The following CEP120 variants were observed in gnomAD, a reference collection of about 807,000 sequenced individuals.
The protein encoded by CEP120 is centrosomal protein 120, also known as centrosomal protein of 120 kDa.
In CEP120, 113 loss-of-function variants were observed where a neutral mutation model predicts 126.5. The observed-to-expected ratio is 0.89, with a 90% confidence interval of 0.77 to 1.04. The LOEUF (loss-of-function observed/expected upper bound fraction) is 1.04. CEP120 is among the 50% of genes least tolerant of loss of function. CEP120 has a pLI of 0.00. For synonymous variants in CEP120, 400 were observed against 394.3 expected (o/e 1.01, Z -0.17); for missense variants, 1,230 against 1,155.7 (o/e 1.06, Z -0.93).
At chr5:123,411,244 G>A (rs1292219736) in intron 4 of CEP120, among the ~76,000 whole-genome samples, 1 of 152,154 alleles carries the variant, frequency 6.6e-6, no homozygotes, top group Non-Finnish European at 1.5e-5. Context: ...ATGCCAAATA[G>A]CACGGCCACT....
At position 123,391,168 on chromosome 5, in the gene CEP120, T is replaced by G. The variant is rs1304562610; in HGVS notation, c.980A>C (p.Glu327Ala). 5 of 1,614,042 alleles carry G rather than the reference T, an allele frequency of 3.1e-6. No homozygotes were observed. The East Asian group carries it at 1.1e-4, about 36-fold the overall frequency. ...AGACACTCCCACAGTTGGGGCTAGC[T>G]CCACAGGAATAGGTGCAAGCTTCTG... Reference protein sequence around the residue: ...AKQKLAPIPVELAPTVGVSVA... With the variant: ...AKQKLAPIPVALAPTVGVSVA... Residue 327 changes from glutamate (E) to alanine (A), a missense_variant, in exon 7 of 20, where the codon GAG becomes GCG. Coordinates refer to ENST00000306467, the MANE Select transcript of CEP120 (RefSeq NM_001375405.1).
Position 123,386,693 on chromosome 5 carries a change from A to AAAAGCC in CEP120, c.1431-27_1431-26insGGCTTT. 21 of 1,419,914 alleles carry AAAAGCC rather than the reference A, an allele frequency of 1.5e-5. No homozygotes were observed. In the South Asian group the frequency reaches 3.3e-4, roughly 22 times the overall value. The allele number at this position is 1,419,914 out of a possible 1,614,324, so 88.0% of individuals were successfully genotyped here. ...CTAGAATTTAAAAAAAAAAAAAAAA[A>AAAAGCC]AAAAAGCCTTAATGATATGGTTTAC... On this transcript the variant is annotated intron_variant, in intron 9 of 19. Transcript: ENST00000306467.
At chr5:123,379,485 A>G (rs1257139747) in intron 14 of CEP120, among the ~76,000 whole-genome samples, 1 of 152,116 alleles carries the variant, frequency 6.6e-6, no homozygotes, top group Non-Finnish European at 1.5e-5. Flanking sequence ...CATCTGAACC[A>G]CAAAACACAG....
intron 18 of CEP120, among the ~76,000 whole-genome samples, chr5:123,356,093 T>A (rs1025729359): frequency 2.0e-5 from 3 of 152,160 alleles, no homozygotes; most frequent in Non-Finnish European, 2.9e-5. Flanking sequence ...GTTGTAGATA[T>A]GCGGCATTAT....
At position 123,347,640 on chromosome 5, in the gene CEP120, A is replaced by C. The variant is rs1272070682; in HGVS notation, c.2727-887T>G. 5.9e-5 allele frequency among the ~76,000 whole-genome samples: 9 copies of C among 152,060 alleles called. No individual in the cohort carries two copies. The East Asian group carries it at 1.5e-3, about 26-fold the overall frequency. ...TCTTGAAACTGGAGCAGTAATAATA[A>C]TACTTAGTATATTTTGTTTGTTTGA... is the stretch of plus-strand genomic sequence containing the variant. On this transcript the variant is annotated intron_variant, in intron 19 of 19. Transcript: ENST00000306467.
At chr5:123,422,141 A>C (rs1774755470) in intron 1 of CEP120, among the ~76,000 whole-genome samples, 1 of 152,218 alleles carries the variant, frequency 6.6e-6, no homozygotes, top group Non-Finnish European at 1.5e-5. Context: ...TAAGCAAGGC[A>C]AAACGTGTCT....
chr5:123,390,882 T>C lies in CEP120; in HGVS notation c.1038+228A>G, dbSNP rs569414845. ...GGGGAGACCATAAGTGGGTTTCCAC[T>C]ACACAAAAAGACTGTCTCAAAGGCT... On this transcript the variant is annotated intron_variant, in intron 7 of 19. Transcript: ENST00000306467. The C allele has an allele frequency of 3.8e-4, 156 of 409,902 alleles. 1 individual carries two copies. Among genetic ancestry groups the C allele is most frequent in the African/African-American group, 2.7e-3 (133 of 49,764 alleles). The allele number at this position is 409,902 out of a possible 1,614,324, so 25.4% of individuals were successfully genotyped here.
intron 5 of CEP120, 21 bp downstream of exon 5, chr5:123,399,115 C>A: frequency 6.5e-7 from 1 of 1,541,024 alleles, no homozygotes; most frequent in Non-Finnish European, 8.8e-7. Context: ...CGTAAGTCAC[C>A]AATCTCATGA....
chr5:123,368,079 T>C lies in CEP120; in HGVS notation c.2482-3485A>G, dbSNP rs368960294. On this transcript the variant is annotated intron_variant, in intron 17 of 19. Coordinates refer to ENST00000306467, the MANE Select transcript of CEP120 (RefSeq NM_001375405.1). ...GGCAATTAAATTATGTACTTTTCTC[T>C]CTCAAGGCAAACTCACAGTACTGCT... Among the ~76,000 whole-genome samples, 136 of 152,086 alleles carry C rather than the reference T, an allele frequency of 8.9e-4. No individual in the cohort carries two copies. In the Middle Eastern group the frequency reaches 0.01, roughly 11 times the overall value.
chr5:123,349,572 G>C (rs1452174292), intron 19 of CEP120, among the ~76,000 whole-genome samples: 2 of 152,124 alleles, frequency 1.3e-5, no homozygotes, highest in Non-Finnish European at 2.9e-5. Context: ...CACAAGAGCT[G>C]AATGGACTTG....
chr5:123,382,590 T>C, intron 13 of CEP120, 147 bp downstream of exon 13: 1 of 705,230 alleles, frequency 1.4e-6, no homozygotes. Flanking sequence ...TTTTTGATTC[T>C]CAAATTTTTT....
intron 10 of CEP120, among the ~76,000 whole-genome samples, chr5:123,385,617 C>T (rs993330261): frequency 1.1e-4 from 14 of 130,718 alleles, no homozygotes; most frequent in African/African-American, 4.0e-4. Flanking sequence ...ACGACTATAC[C>T]TGTTTTTTTT....
intron 4 of CEP120, chr5:123,403,599 G>T (rs577067466): frequency 3.1e-6 from 1 of 325,500 alleles, no homozygotes; most frequent in East Asian, 9.4e-5. Context: ...AAGGAAAAAA[G>T]AGCAAGTTTA....
chr5:123,388,193 A>AT, intron 9 of CEP120: 1 of 261,558 alleles, frequency 3.8e-6, no homozygotes, highest in East Asian at 6.5e-5. Flanking sequence ...ATTACTTAGA[A>AT]TAAGTTATTA....
intron 17 of CEP120, among the ~76,000 whole-genome samples, chr5:123,368,598 C>A (rs1381062444): frequency 6.6e-6 from 1 of 151,934 alleles, no homozygotes; most frequent in African/African-American, 2.4e-5. Context: ...GCTACAGAAA[C>A]ATTTACTGAG....
intron 4 of CEP120, among the ~76,000 whole-genome samples, chr5:123,405,362 G>C (rs1773572827): frequency 6.6e-6 from 1 of 152,206 alleles, no homozygotes; most frequent in African/African-American, 2.4e-5. Flanking sequence ...GAATATCAGA[G>C]AAAAGTTCCC....
chr5:123,419,556 A>AC (rs1554106708), intron 1 of CEP120, among the ~76,000 whole-genome samples: 1,744 of 133,838 alleles, frequency 0.013, 13 homozygotes, highest in African/African-American at 0.027. Context: ...ACAAAAACAA[A>AC]AAAAAAAAAA....
intron 3 of CEP120, among the ~76,000 whole-genome samples, chr5:123,413,032 C>A (rs111524059): frequency 4.0e-5 from 6 of 151,826 alleles, no homozygotes. Context: ...TTTGGAAGGC[C>A]AAGGTGGGCA....
chr5:123,368,011 G>C (rs759401498), intron 17 of CEP120, among the ~76,000 whole-genome samples: 2 of 151,808 alleles, frequency 1.3e-5, no homozygotes, highest in Non-Finnish European at 1.5e-5. Flanking sequence ...CTTTTCACTA[G>C]GCACTTAAAC....
Sources: allele counts gnomAD v4.1 joint callset (sites outside exome capture counted in the v4.1 genomes callset), GRCh38; gene constraint gnomAD v4.1.1; transcripts MANE v1.5; gene names NCBI Gene and HGNC (gene_info 2026-07-23, HGNC 2026-07-21).